Variants in HACD1 observed in about 807,000 individuals in gnomAD.
The protein encoded by HACD1 is 3-hydroxyacyl-CoA dehydratase 1, also known as very-long-chain (3R)-3-hydroxyacyl-CoA dehydratase 1.
A neutral mutation model predicts 32.0 loss-of-function variants in HACD1; 41 were observed. The ratio of observed to expected loss-of-function variants is 1.28; its 90% CI spans 1.00 to 1.66. HACD1 has a LOEUF of 1.66. HACD1 is among the 40% of genes most tolerant of loss of function. The pLI is 0.00. For missense variants in HACD1, 396 were observed against 380.1 expected, an observed-to-expected ratio of 1.04 and a Z score of -0.35; for synonymous variants, 142 against 139.0, an observed-to-expected ratio of 1.02 and a Z score of -0.15.
intron 1 of HACD1, among the ~76,000 whole-genome samples, chr10:17,609,385 C>A (rs1554817300): frequency 6.6e-6 from 1 of 152,008 alleles, no homozygotes; most frequent in Non-Finnish European, 1.5e-5. Flanking sequence ...GATCTCCTGA[C>A]CTCATGATCC....
At chr10:17,613,231 C>A (rs1833019582) in intron 1 of HACD1, among the ~76,000 whole-genome samples, 1 of 151,504 alleles carries the variant, frequency 6.6e-6, no homozygotes, top group African/African-American at 2.4e-5. Context: ...CCTCAGTCTC[C>A]TGAGTAGCTG....
chr10:17,604,343 G>A (rs1045877791), intron 1 of HACD1, among the ~76,000 whole-genome samples: 5 of 152,168 alleles, frequency 3.3e-5, no homozygotes, highest in Non-Finnish European at 7.4e-5. Context: ...AAATTAGCCG[G>A]GTGTGGTGGC....
intron 1 of HACD1, among the ~76,000 whole-genome samples, chr10:17,613,414 A>G (rs1247320968): frequency 1.3e-5 from 2 of 152,158 alleles, no homozygotes; most frequent in African/African-American, 2.4e-5. Context: ...CCCGATTTCA[A>G]CACTACAACT....
At chr10:17,595,457 G>A (rs1325548217) in intron 5 of HACD1, among the ~76,000 whole-genome samples, 8 of 152,208 alleles carry the variant, frequency 5.3e-5, no homozygotes, top group East Asian at 1.9e-4. Context: ...AACTGCTACC[G>A]TAACAAAATA....
chr10:17,600,814 T>G (rs1834059400), intron 4 of HACD1, among the ~76,000 whole-genome samples: 1 of 152,194 alleles, frequency 6.6e-6, no homozygotes, highest in African/African-American at 2.4e-5. Flanking sequence ...TACCGAGCTC[T>G]TGCTTCAAAG....
At chr10:17,592,837 G>A (rs1227942304) in intron 6 of HACD1, among the ~76,000 whole-genome samples, 1 of 152,210 alleles carries the variant, frequency 6.6e-6, no homozygotes, top group Non-Finnish European at 1.5e-5. Context: ...GAATCAGGCT[G>A]AAGTGGTAGA....
chr10:17,614,018 G>A (rs1833031515), intron 1 of HACD1, among the ~76,000 whole-genome samples: 1 of 152,180 alleles, frequency 6.6e-6, no homozygotes, highest in Admixed American at 6.5e-5. Flanking sequence ...GAGGTGGCAG[G>A]GAGTCACTGA....
chr10:17,598,639 A>G (rs1182040914), intron 5 of HACD1, among the ~76,000 whole-genome samples: 14 of 152,248 alleles, frequency 9.2e-5, no homozygotes, highest in African/African-American at 3.4e-4. Context: ...GAACAAGTCT[A>G]TACTGATTTG....
At chr10:17,606,306 T>G (rs78148643) in intron 1 of HACD1, among the ~76,000 whole-genome samples, 5,753 of 152,374 alleles carry the variant, frequency 0.038, 154 homozygotes, top group African/African-American at 0.068. Flanking sequence ...GCTAGAGTTG[T>G]GGAGACCAGC....
At chr10:17,600,515 G>A (rs1337354795) in intron 4 of HACD1, among the ~76,000 whole-genome samples, 2 of 151,872 alleles carry the variant, frequency 1.3e-5, no homozygotes, top group Non-Finnish European at 1.5e-5. Flanking sequence ...TAGTAGAGAC[G>A]GGGTTTCACC....
rs1272430287 is a variant in HACD1 at position 17,617,208 on chromosome 10, G to A, written c.132C>T (p.Asp44=). The change falls in exon 1 of 7, where the codon GAC becomes GAT. Residue 44 remains aspartate, a synonymous_variant. Transcript: ENST00000361271. ...AGGCGCCGCCGTTGGTGCCGTCCTCGTCGCTGGACGCCATGGTGGCCGCGC... is the reference window on the plus strand; with the variant it reads ...AGGCGCCGCCGTTGGTGCCGTCCTCATCGCTGGACGCCATGGTGGCCGCGC... ...PRCAATMASS[D]EDGTNGGASE... 1.0e-5 allele frequency: 15 copies of A among 1,495,532 alleles called. No individual in the cohort carries two copies. Among genetic ancestry groups the A allele is most frequent in the Admixed American group, 6.4e-5 (3 of 46,718 alleles). The allele number at this position is 1,495,532 out of a possible 1,614,324, so 92.6% of individuals were successfully genotyped here.
In HACD1 at chr10:17,617,351, A is replaced by AG. The variant is rs1370764141; in HGVS notation, c.-13dup. On this transcript the variant is annotated 5_prime_UTR_variant, in exon 1 of 7. Coordinates refer to ENST00000361271, the MANE Select transcript of HACD1 (RefSeq NM_014241.4). ...GTCAGGCGCCCCATGTGCAGCGCGC[A>AG]GGGGGCTCGGCGCAGCCAGCTCTAC... 2.2e-6 allele frequency: 3 copies of AG among 1,364,072 alleles called. No homozygotes were observed. Among genetic ancestry groups the AG allele is most frequent in the South Asian group, 1.7e-5 (1 of 57,730 alleles). 84.5% of individuals were successfully genotyped at this position (1,364,072 alleles called of 1,614,324 possible). A position where few individuals can be genotyped will look rare whatever the true frequency, so the allele number is the denominator to read the frequency against.
intron 1 of HACD1, among the ~76,000 whole-genome samples, chr10:17,611,276 C>T (rs1455696110): frequency 6.6e-6 from 1 of 152,198 alleles, no homozygotes; most frequent in Non-Finnish European, 1.5e-5. Flanking sequence ...GGATTACAGG[C>T]ATGAGCCACC....
chr10:17,599,712 TC>T (rs1409428531), intron 4 of HACD1, among the ~76,000 whole-genome samples: 5 of 152,070 alleles, frequency 3.3e-5, no homozygotes, highest in African/African-American at 1.2e-4. Context: ...AATCTGACCC[TC>T]CTACTTCTAG....
At chr10:17,591,173 G>A (rs1057266137) in intron 6 of HACD1, among the ~76,000 whole-genome samples, 7 of 152,046 alleles carry the variant, frequency 4.6e-5, no homozygotes, top group Non-Finnish European at 1.0e-4. Context: ...GGGGTCTCCT[G>A]CACATGTGTG....
intron 5 of HACD1, 135 bp from the exon 6 acceptor site, chr10:17,594,518 G>T: frequency 1.6e-6 from 1 of 617,022 alleles, no homozygotes; most frequent in Non-Finnish European, 2.4e-6. Context: ...CCTTACGTAA[G>T]GTTAATAGTT....
chr10:17,594,327 A>G lies in HACD1; in HGVS notation c.662T>C (p.Ile221Thr), dbSNP rs1251970076. Reference sequence around the variant, plus strand: ...CTTCACATGCGGCAAGGCAGCGTATATTGTAAGAAGTTCACCAGCAACTCC... The same window carrying G: ...CTTCACATGCGGCAAGGCAGCGTATGTTGTAAGAAGTTCACCAGCAACTCC... ...PVGVAGELLT[I>T]YAALPHVKKT... The change falls in exon 6 of 7, where the codon ATA (isoleucine) becomes ACA (threonine). Residue 221 changes from isoleucine to threonine, a missense_variant. Coordinates refer to ENST00000361271, the MANE Select transcript of HACD1 (RefSeq NM_014241.4). 1 of 1,590,598 alleles carries G rather than the reference A, an allele frequency of 6.3e-7. No homozygotes were observed. The highest frequency in any genetic ancestry group is 2.2e-5 in the East Asian group (1 of 44,638).
Position 17,590,350 on chromosome 10 carries a change from T to C in HACD1, c.*14A>G. On this transcript the variant is annotated 3_prime_UTR_variant, in exon 7 of 7. Transcript: ENST00000361271. ...TGGTTATTCTGGAAAAAGCACCTTGTTTGCAGAGATCATTTAATCATCCTT... is the reference window on the plus strand; with the variant it reads ...TGGTTATTCTGGAAAAAGCACCTTGCTTGCAGAGATCATTTAATCATCCTT... 1 of 1,559,264 alleles carries C rather than the reference T, an allele frequency of 6.4e-7. No individual in the cohort carries two copies. The highest frequency in any genetic ancestry group is 8.8e-7 in the Non-Finnish European group (1 of 1,142,640).
intron 6 of HACD1, 91 bp from the exon 7 acceptor site, chr10:17,590,537 A>G (rs2131500196): frequency 1.1e-6 from 1 of 889,130 alleles, no homozygotes; most frequent in East Asian, 2.6e-5. Flanking sequence ...GTTAGAGAGT[A>G]AATACATCCC....
Sources: allele counts gnomAD v4.1 joint callset (sites outside exome capture counted in the v4.1 genomes callset), GRCh38; gene constraint gnomAD v4.1.1; transcripts MANE v1.5; gene names NCBI Gene and HGNC (gene_info 2026-07-23, HGNC 2026-07-21).